Variants in CTIF observed in about 807,000 individuals in gnomAD.
CTIF encodes cap binding complex dependent translation initiation factor.
A neutral mutation model predicts 66.0 loss-of-function variants in CTIF; 21 were observed. The ratio of observed to expected loss-of-function variants is 0.32; its 90% CI spans 0.23 to 0.46. CTIF has a LOEUF of 0.46. CTIF is among the 20% of genes least tolerant of loss of function. The probability of loss-of-function intolerance (pLI) is 1.00; values close to 1 mark genes in which losing one functional copy is unlikely to be tolerated. For synonymous variants in CTIF, 345 were observed against 326.4 expected (o/e 1.06, Z -0.62); for missense variants, 739 against 812.7 (o/e 0.91, Z 1.10).
chr18:48,650,889 A>G (rs572026610), intron 3 of CTIF, among the ~76,000 whole-genome samples: 4 of 152,222 alleles, frequency 2.6e-5, no homozygotes, highest in African/African-American at 4.8e-5. Flanking sequence ...ACATCCAGCC[A>G]AACTAAGCTT....
At chr18:48,768,332 AG>A (rs1161027381) in intron 9 of CTIF, among the ~76,000 whole-genome samples, 2 of 152,130 alleles carry the variant, frequency 1.3e-5, no homozygotes, top group East Asian at 3.9e-4. Context: ...CATGGTTCAT[AG>A]TAGATGCTCA....
chr18:48,581,019 C>G (rs985429163), intron 1 of CTIF, among the ~76,000 whole-genome samples: 17 of 152,222 alleles, frequency 1.1e-4, no homozygotes, highest in African/African-American at 4.1e-4. Flanking sequence ...CGGGGGCTGT[C>G]TTCTCTCCAT....
intron 1 of CTIF, among the ~76,000 whole-genome samples, chr18:48,547,168 G>C (rs1343696047): frequency 2.0e-5 from 3 of 152,308 alleles, no homozygotes; most frequent in East Asian, 3.9e-4. Context: ...CTTGGAGACA[G>C]CTGCACAACT....
chr18:48,716,089 G>A (rs1209927572), intron 7 of CTIF, among the ~76,000 whole-genome samples: 1 of 152,094 alleles, frequency 6.6e-6, no homozygotes, highest in Non-Finnish European at 1.5e-5. Flanking sequence ...CCGGGAGGCA[G>A]TGCCCCGCTC....
chr18:48,663,097 G>C (rs2091374615), intron 3 of CTIF, among the ~76,000 whole-genome samples: 1 of 152,204 alleles, frequency 6.6e-6, no homozygotes, highest in Non-Finnish European at 1.5e-5. Context: ...TAAAGAGTGT[G>C]ACGATGGAAA....
rs1482307759 is a variant in CTIF, at chr18:48,592,356, G to A, written c.-28-27182G>A. 4.6e-5 allele frequency among the ~76,000 whole-genome samples: 7 copies of A among 152,078 alleles called. No homozygotes were observed. In the East Asian group the frequency reaches 1.4e-3, roughly 29 times the overall value. ...TACTAAAAACTACAAAATTAGCTGG[G>A]TGTGGTGGCGCATGCCTGTAATCCC... On this transcript the variant is annotated intron_variant, in intron 1 of 11. Transcript: ENST00000256413.
chr18:48,630,250 G>A (rs1011774160), intron 2 of CTIF, among the ~76,000 whole-genome samples: 2 of 151,988 alleles, frequency 1.3e-5, no homozygotes, highest in African/African-American at 2.4e-5. Context: ...TACCACCCAC[G>A]GTTTCAGGCA....
intron 8 of CTIF, among the ~76,000 whole-genome samples, chr18:48,759,429 CTCT>C (rs1908738785): frequency 6.6e-6 from 1 of 152,236 alleles, no homozygotes; most frequent in Admixed American, 6.5e-5. Context: ...CAGGTCAGAC[CTCT>C]TCTTGGATCC....
chr18:48,795,217 C>G (rs2067887947), intron 9 of CTIF, among the ~76,000 whole-genome samples: 1 of 152,090 alleles, frequency 6.6e-6, no homozygotes, highest in South Asian at 2.1e-4. Flanking sequence ...GAGAGAGGCT[C>G]ATCAGAGCAT....
chr18:48,639,796 T>A (rs1466082774), intron 3 of CTIF, among the ~76,000 whole-genome samples: 1 of 152,018 alleles, frequency 6.6e-6, no homozygotes, highest in Non-Finnish European at 1.5e-5. Context: ...CTCTCTAGAG[T>A]GTTGCCCTTG....
chr18:48,751,004 T>C (rs909747734), intron 7 of CTIF, among the ~76,000 whole-genome samples: 1 of 152,234 alleles, frequency 6.6e-6, no homozygotes, highest in African/African-American at 2.4e-5. Flanking sequence ...TTCTTACCCT[T>C]TCTGTGCCTT....
At chr18:48,775,630 A>C (rs932325632) in intron 9 of CTIF, among the ~76,000 whole-genome samples, 1 of 152,240 alleles carries the variant, frequency 6.6e-6, no homozygotes, top group African/African-American at 2.4e-5. Context: ...TCTGCCTGAC[A>C]CATAAAGGGG....
intron 10 of CTIF, among the ~76,000 whole-genome samples, chr18:48,831,312 G>A (rs1413493852): frequency 2.0e-5 from 3 of 152,248 alleles, no homozygotes; most frequent in Non-Finnish European, 4.4e-5. Flanking sequence ...CCTCCACCGA[G>A]CTTCATATGA....
In CTIF at chr18:48,810,634, T is replaced by G. The variant is rs974873879; in HGVS notation, c.1372-6587T>G. Among the ~76,000 whole-genome samples, 17 of 152,050 alleles carry G rather than the reference T, an allele frequency of 1.1e-4. No individual in the cohort carries two copies. In the East Asian group the frequency reaches 3.3e-3, roughly 29 times the overall value. On this transcript the variant is annotated intron_variant, in intron 9 of 11. Transcript: ENST00000256413. ...TATTTAAATCACCTAAGTCATTTGT[T>G]TTTTATTCATTTAATCGGCCATAGA...
At chr18:48,628,462 G>C (rs2090642164) in intron 2 of CTIF, among the ~76,000 whole-genome samples, 1 of 152,144 alleles carries the variant, frequency 6.6e-6, no homozygotes, top group South Asian at 2.1e-4. Context: ...TGAAGATGTT[G>C]TTATTATTAC....
intron 10 of CTIF, among the ~76,000 whole-genome samples, chr18:48,847,214 AG>A (rs1217497505): frequency 1.3e-5 from 2 of 151,456 alleles, no homozygotes; most frequent in Non-Finnish European, 2.9e-5. Context: ...AGGCTGAGGC[AG>A]GAGAATCGCT....
At chr18:48,821,440 G>C (rs1041451037) in intron 10 of CTIF, among the ~76,000 whole-genome samples, 5 of 152,266 alleles carry the variant, frequency 3.3e-5, no homozygotes, top group Non-Finnish European at 7.3e-5. Flanking sequence ...CCAAGCGGTA[G>C]AATCAGTCCT....
chr18:48,586,404 G>A (rs1001292500), intron 1 of CTIF, among the ~76,000 whole-genome samples: 2 of 151,654 alleles, frequency 1.3e-5, no homozygotes, highest in South Asian at 4.2e-4. Context: ...CCAAGTAACT[G>A]GGATTACAGG....
At chr18:48,849,421 C>T (rs1030753525) in intron 10 of CTIF, among the ~76,000 whole-genome samples, 2 of 151,782 alleles carry the variant, frequency 1.3e-5, no homozygotes, top group Admixed American at 6.6e-5. Context: ...TGGTCTTAAA[C>T]TCCTGGACTC....
Sources: gnomAD v4.1 joint callset for allele counts (sites outside exome capture counted in the v4.1 genomes callset) on GRCh38, gnomAD v4.1.1 for gene constraint, MANE v1.5 for transcripts, NCBI Gene and HGNC (gene_info 2026-07-23, HGNC 2026-07-21) for gene names.